Variants in ABCE1 observed in about 807,000 individuals in gnomAD.
ABCE1 encodes the protein ATP binding cassette subfamily E member 1.
In ABCE1, 22 loss-of-function variants were observed where a neutral mutation model predicts 83.4. The observed-to-expected ratio is 0.26, with a 90% confidence interval of 0.19 to 0.38. ABCE1 has a LOEUF of 0.38. Among genes scored for constraint, ABCE1 ranks in the 10% least tolerant of loss-of-function variants. ABCE1 has a pLI of 1.00. For synonymous variants in ABCE1, 204 were observed against 233.7 expected (o/e 0.87, Z 1.16); for missense variants, 330 against 721.9 (o/e 0.46, Z 6.22).
In ABCE1 at chr4:145,121,393, TGA is replaced by T. The variant is rs746832061; in HGVS notation, c.1263+4_1263+5del. The T allele has an allele frequency of 1.2e-6, 2 of 1,607,176 alleles. No individual in the cohort carries two copies. The highest frequency in any genetic ancestry group is 1.7e-6 in the Non-Finnish European group (2 of 1,175,834). On this transcript the variant is annotated splice_donor_region_variant and intron_variant, in intron 13 of 17. Coordinates refer to ENST00000296577, the MANE Select transcript of ABCE1 (RefSeq NM_002940.3). ...CAGAAAATTAGTCCCAAATCAACTG[TGA>T]GTTATTATTTTTTATATGGTTACTA...
chr4:145,118,267 T>TA (rs1047688401), intron 10 of ABCE1, among the ~76,000 whole-genome samples: 4 of 150,164 alleles, frequency 2.7e-5, no homozygotes, highest in African/African-American at 7.3e-5. Flanking sequence ...TTTTTTTTTT[T>TA]AATCTTGGAG....
intron 2 of ABCE1, among the ~76,000 whole-genome samples, chr4:145,105,160 C>G (rs1181266452): frequency 6.6e-6 from 1 of 151,998 alleles, no homozygotes; most frequent in Non-Finnish European, 1.5e-5. Context: ...TTAATTTTAG[C>G]TGTATGTTAG....
chr4:145,112,218 T>TTTTTTTTTTTTTTTTTTTTG, intron 8 of ABCE1, 21 bp from the exon 9 acceptor site: 1 of 740,722 alleles, frequency 1.4e-6, no homozygotes, highest in Non-Finnish European at 1.7e-6. Context: ...TATATTTGCT[T>TTTTTTTTTTTTTTTTTTTTG]TTTTTTTTTT....
chr4:145,122,709 G>T, intron 13 of ABCE1: 1 of 189,184 alleles, frequency 5.3e-6, no homozygotes, highest in Non-Finnish European at 1.1e-5. Flanking sequence ...TCCTCTAGAG[G>T]CTGAAGTGGG....
chr4:145,108,246 A>G (rs1297942630), intron 4 of ABCE1, 134 bp downstream of exon 4: 2 of 764,386 alleles, frequency 2.6e-6, no homozygotes, highest in African/African-American at 1.8e-5. Flanking sequence ...TTATAACATC[A>G]TGCAGAATCA....
intron 5 of ABCE1, among the ~76,000 whole-genome samples, chr4:145,109,751 A>G (rs1183745738): frequency 1.3e-5 from 2 of 152,176 alleles, no homozygotes; most frequent in Admixed American, 6.5e-5. Context: ...TTTGCTTTTC[A>G]TTTCTGAATC....
At chr4:145,110,511 T>G in intron 7 of ABCE1, 67 bp downstream of exon 7, 1 of 1,506,396 alleles carries the variant, frequency 6.6e-7, no homozygotes, top group South Asian at 1.1e-5. Context: ...GTTTCGCTCT[T>G]GTTGCCCAGG....
At chr4:145,117,188 T>A in intron 9 of ABCE1, 105 bp from the exon 10 acceptor site, 1 of 946,548 alleles carries the variant, frequency 1.1e-6, no homozygotes, top group Non-Finnish European at 1.5e-6. Context: ...TTGCTTCTTA[T>A]GTCTTTATGC....
At chr4:145,120,974 T>G in intron 11 of ABCE1, 200 bp from the exon 12 acceptor site, 1 of 559,106 alleles carries the variant, frequency 1.8e-6, no homozygotes, top group Non-Finnish European at 3.2e-6. Flanking sequence ...CTAGTCTTTA[T>G]TCCTCTTAAT....
Position 145,117,296 on chromosome 4 carries a change from T to A in ABCE1, c.804T>A (p.Tyr268Ter). 1 of 1,599,644 alleles carries A rather than the reference T, an allele frequency of 6.3e-7. No individual in the cohort carries two copies. The highest frequency in any genetic ancestry group is 8.5e-7 in the Non-Finnish European group (1 of 1,173,008). The change falls in exon 10 of 18, where the codon TAT becomes TAA. Residue 268 changes from tyrosine to a stop codon, truncating the protein, a stop_gained. Transcript: ENST00000296577. LOFTEE classifies it high-confidence loss of function. ...TIRSLINPDR[Y>*]IIVVEHDLSV... ...TAAAATCTGGTTTGATTTTCAGATA[T>A]ATCATTGTGGTGGAACATGATCTAA...
intron 17 of ABCE1, among the ~76,000 whole-genome samples, chr4:145,126,138 G>GT (rs751959227): frequency 7.2e-5 from 11 of 152,100 alleles, no homozygotes; most frequent in Non-Finnish European, 1.3e-4. Flanking sequence ...AATTGACAAT[G>GT]TTTTTTGTCT....
intron 5 of ABCE1, 48 bp from the exon 6 acceptor site, chr4:145,110,055 A>G (rs761631688): frequency 3.4e-6 from 5 of 1,449,418 alleles, no homozygotes; most frequent in Non-Finnish European, 4.6e-6. Context: ...CCTCTTTGTC[A>G]TTGTATTATT....
intron 3 of ABCE1, among the ~76,000 whole-genome samples, chr4:145,107,021 A>G (rs979774863): frequency 6.6e-6 from 1 of 152,102 alleles, no homozygotes; most frequent in Non-Finnish European, 1.5e-5. Flanking sequence ...TAATTTTTGC[A>G]TGTACCTCTG....
chr4:145,100,421 A>G (rs1052927019), intron 1 of ABCE1, among the ~76,000 whole-genome samples: 2 of 152,246 alleles, frequency 1.3e-5, no homozygotes, highest in South Asian at 4.1e-4. Context: ...TTAGTAGTTT[A>G]ACAGAAATAA....
At chr4:145,102,432 G>A (rs544855393) in intron 1 of ABCE1, among the ~76,000 whole-genome samples, 1 of 152,290 alleles carries the variant, frequency 6.6e-6, no homozygotes, top group South Asian at 2.1e-4. Flanking sequence ...AGACAGAAGG[G>A]AGAATTGTTG....
At chr4:145,119,533 A>G (rs1194002248) in intron 10 of ABCE1, among the ~76,000 whole-genome samples, 3 of 151,982 alleles carry the variant, frequency 2.0e-5, no homozygotes, top group Non-Finnish European at 4.4e-5. Flanking sequence ...GAAATTAAAT[A>G]TTGATAACAT....
intron 9 of ABCE1, 150 bp downstream of exon 9, chr4:145,112,478 A>C (rs563690883): frequency 1.6e-6 from 1 of 614,584 alleles, no homozygotes. Context: ...TTCTTTACCT[A>C]GAACAGAGGT....
intron 4 of ABCE1, among the ~76,000 whole-genome samples, chr4:145,108,897 TA>T (rs2126703195): frequency 6.6e-6 from 1 of 152,348 alleles, no homozygotes; most frequent in South Asian, 2.1e-4. Context: ...TAATGTTGTT[TA>T]AGGATGCATT....
chr4:145,100,339 T>A (rs1238775148), intron 1 of ABCE1, among the ~76,000 whole-genome samples: 1 of 152,202 alleles, frequency 6.6e-6, no homozygotes, highest in Non-Finnish European at 1.5e-5. Context: ...CATAGCAAGA[T>A]CCCTGTGTCT....
Sources: allele counts gnomAD v4.1 joint callset (sites outside exome capture counted in the v4.1 genomes callset), GRCh38; gene constraint gnomAD v4.1.1; transcripts MANE v1.5; gene names NCBI Gene and HGNC (gene_info 2026-07-23, HGNC 2026-07-21).